LRP5: variants seen among roughly 807,000 people sequenced by gnomAD.
LRP5 encodes the protein LDL receptor related protein 5.
A neutral mutation model predicts 154.1 loss-of-function variants in LRP5; 62 were observed. The observed-to-expected ratio is 0.40, with a 90% CI of 0.33 to 0.50. The LOEUF is 0.50. LRP5 is among the 20% of genes least tolerant of loss of function. The probability of loss-of-function intolerance (pLI) is 0.55; values close to 1 mark genes in which losing one functional copy is unlikely to be tolerated. For synonymous variants in LRP5, 966 were observed against 1,011.5 expected (o/e 0.96, Z 0.85); for missense variants, 1,915 against 2,336.7 (o/e 0.82, Z 3.72).
rs2098667197 is a variant in LRP5 at position 68,423,789 on chromosome 11, A to T, written c.3236+92A>T. 17 of 1,293,416 alleles carry T rather than the reference A, an allele frequency of 1.3e-5. No individual in the cohort carries two copies. In the East Asian group the frequency reaches 3.8e-4, roughly 29 times the overall value. The allele number at this position is 1,293,416 out of a possible 1,614,324, so 80.1% of individuals were successfully genotyped here. A position where few individuals can be genotyped will look rare whatever the true frequency, so the allele number is the denominator to read the frequency against. On this transcript the variant is annotated intron_variant, in intron 14 of 22. Coordinates refer to ENST00000294304, the MANE Select transcript of LRP5 (RefSeq NM_002335.4). The surrounding 1 kb of genome is among the most constrained non-coding windows in gnomAD (Gnocchi z 4.7). ...TGCCAGCCTCTCACAGGCTGGGGAG[A>T]CTTTCCACCCTGGGGATCCAATGGG...
chr11:68,367,202 G>T (rs189576248), intron 5 of LRP5, among the ~76,000 whole-genome samples: 1 of 152,198 alleles, frequency 6.6e-6, no homozygotes, highest in South Asian at 2.1e-4. Context: ...GTGACCTGGC[G>T]ACACCAGGGG....
chr11:68,445,524 A>T (rs1242128319), intron 21 of LRP5: 3 of 1,105,098 alleles, frequency 2.7e-6, no homozygotes, highest in South Asian at 2.6e-5. Flanking sequence ...GCCTGAGAGA[A>T]CTGAGTCCCT....
rs1161566977 is a variant in LRP5 at position 68,386,907 on chromosome 11, G to A, written c.1412+195G>A. ...CTCCAGGGCGGGGCTGAAGACTTGG[G>A]TTTCTAACAAGCACCCCAGTGGTCC... On this transcript the variant is annotated intron_variant, in intron 6 of 22. Transcript: ENST00000294304. The surrounding 1 kb of genome is among the most constrained non-coding windows in gnomAD (Gnocchi z 7.9). 6.6e-6 allele frequency among the ~76,000 whole-genome samples: 1 copy of A among 152,224 alleles called. No individual in the cohort carries two copies. The highest frequency in any genetic ancestry group is 1.5e-5 in the Non-Finnish European group (1 of 68,040).
intron 1 of LRP5, among the ~76,000 whole-genome samples, chr11:68,313,700 TTTTG>T (rs2098590663): frequency 6.6e-6 from 1 of 152,262 alleles, no homozygotes; most frequent in African/African-American, 2.4e-5. Context: ...GATGTGCGTG[TTTTG>T]TTTTTCTGGA....
intron 1 of LRP5, among the ~76,000 whole-genome samples, chr11:68,341,722 A>G (rs1188950714): frequency 1.3e-5 from 2 of 151,932 alleles, no homozygotes; most frequent in East Asian, 3.9e-4. Context: ...CTTCTTTCCC[A>G]GCAAGGCCTG....
intron 2 of LRP5, among the ~76,000 whole-genome samples, chr11:68,354,517 G>T (rs1219093164): frequency 1.1e-4 from 16 of 152,220 alleles, no homozygotes; most frequent in African/African-American, 3.4e-4. Flanking sequence ...GTGGCGGAGG[G>T]TCTGGGCTCT....
At position 68,406,549 on chromosome 11, in the gene LRP5, C is replaced by CG; in HGVS notation, c.1833dup (p.Cys612ValfsTer25). The CG allele has an allele frequency of 1.2e-6, 2 of 1,614,118 alleles. No homozygotes were observed. Among genetic ancestry groups the CG allele is most frequent in the Non-Finnish European group, 1.7e-6 (2 of 1,180,006 alleles). The stretch of plus-strand genomic sequence containing the variant: ...GAACCAACCCGTGTGCGGACAGGAA[C>CG]GGGGGGTGCAGCCACCTGTGCTTCT... On this transcript the variant is annotated frameshift_variant, in exon 9 of 23. Transcript: ENST00000294304. LOFTEE classifies it high-confidence loss of function.
At chr11:68,416,826 A>G (rs2098662804) in intron 13 of LRP5, among the ~76,000 whole-genome samples, 1 of 152,196 alleles carries the variant, frequency 6.6e-6, no homozygotes, top group Non-Finnish European at 1.5e-5. Flanking sequence ...ATGCAGGGGT[A>G]GTTGGTACTG....
In LRP5 at chr11:68,423,262, G is replaced by A. The variant is rs1055274125; in HGVS notation, c.3028-227G>A. On this transcript the variant is annotated intron_variant, in intron 13 of 22. Coordinates refer to ENST00000294304, the MANE Select transcript of LRP5 (RefSeq NM_002335.4). This position sits in a 1 kb window ranked among gnomAD's most constrained non-coding sequence, Gnocchi z 4.7. Reference sequence around the variant, plus strand: ...CGGGCACGTAGTTAGGAGCTGATTGGAGAGGAGAGACCCCCACACCAATAC... The same window carrying A: ...CGGGCACGTAGTTAGGAGCTGATTGAAGAGGAGAGACCCCCACACCAATAC... Among the ~76,000 whole-genome samples, 1 of 152,170 alleles carries A rather than the reference G, an allele frequency of 6.6e-6. No individual in the cohort carries two copies. The highest frequency in any genetic ancestry group is 1.5e-5 in the Non-Finnish European group (1 of 68,024).
At chr11:68,315,500 GC>G (rs1323598429) in intron 1 of LRP5, among the ~76,000 whole-genome samples, 1 of 152,224 alleles carries the variant, frequency 6.6e-6, no homozygotes, top group Non-Finnish European at 1.5e-5. Flanking sequence ...GGCTTAGGAA[GC>G]TGATGCTACC....
intron 1 of LRP5, among the ~76,000 whole-genome samples, chr11:68,340,923 G>A (rs1591194772): frequency 6.6e-6 from 1 of 152,196 alleles, no homozygotes; most frequent in East Asian, 1.9e-4. Context: ...ATGGTTCACG[G>A]TTATGCTGGG....
At chr11:68,409,870 C>T (rs369683160) in intron 9 of LRP5, 44 bp from the exon 10 acceptor site, 17 of 1,346,614 alleles carry the variant, frequency 1.3e-5, no homozygotes, top group Non-Finnish European at 1.7e-5. Context: ...AAAAAAGATG[C>T]TGGTTCCTAA....
At chr11:68,323,993 C>T (rs1287063501) in intron 1 of LRP5, among the ~76,000 whole-genome samples, 5 of 152,230 alleles carry the variant, frequency 3.3e-5, no homozygotes, top group African/African-American at 4.8e-5. Context: ...GTCCTTGCCT[C>T]GTAGACTCCA....
the LRP5 span, among the ~76,000 whole-genome samples, chr11:68,299,340 C>T: frequency 1.3e-5 from 2 of 152,092 alleles, no homozygotes; most frequent in Admixed American, 1.3e-4. Flanking sequence ...CTGGAGGTGG[C>T]TCAAGGGGAC....
intron 21 of LRP5, among the ~76,000 whole-genome samples, chr11:68,444,614 T>A (rs59553449): frequency 8.7e-5 from 11 of 126,190 alleles, no homozygotes; most frequent in Non-Finnish European, 1.7e-4. Flanking sequence ...CCTCTTTGAA[T>A]AGGGCCTGGC....
chr11:68,446,850 G>A, intron 22 of LRP5: 1 of 401,672 alleles, frequency 2.5e-6, no homozygotes, highest in Non-Finnish European at 4.8e-6. Context: ...GGGCTCCAGA[G>A]TCTGACTGTG....
intron 14 of LRP5, among the ~76,000 whole-genome samples, chr11:68,424,346 T>G (rs1464920609): frequency 6.6e-6 from 1 of 152,210 alleles, no homozygotes; most frequent in African/African-American, 2.4e-5. Context: ...GCCCTGACTC[T>G]GTCACTTACT....
At chr11:68,424,469 C>T (rs145069396) in intron 14 of LRP5, among the ~76,000 whole-genome samples, 3,041 of 152,224 alleles carry the variant, frequency 0.02, 100 homozygotes, top group African/African-American at 0.067. Flanking sequence ...GCTCGGTGGG[C>T]GGAAGCCCCG....
chr11:68,324,163 G>A (rs1427775484), intron 1 of LRP5, among the ~76,000 whole-genome samples: 1 of 152,260 alleles, frequency 6.6e-6, no homozygotes, highest in Non-Finnish European at 1.5e-5. Context: ...CTCTAGTCCT[G>A]CCGCAGAGCA....
Sources: allele counts gnomAD v4.1 joint callset (sites outside exome capture counted in the v4.1 genomes callset), GRCh38; gene constraint gnomAD v4.1.1; non-coding constraint Gnocchi (gnomAD v3.1); transcripts MANE v1.5; gene names NCBI Gene and HGNC (gene_info 2026-07-23, HGNC 2026-07-21).